RBFOX1: variants seen among roughly 807,000 people sequenced by gnomAD.
The protein encoded by RBFOX1 is RNA binding fox-1 homolog 1.
RBFOX1 carries 8 observed loss-of-function variants against 57.7 expected under a neutral mutation model. The ratio of observed to expected loss-of-function variants is 0.14; its 90% CI spans 0.08 to 0.25. The LOEUF (loss-of-function observed/expected upper bound fraction) is 0.25, where lower values mean the gene tolerates loss of function less well. Ranked by LOEUF, RBFOX1 falls within the 10% of genes least tolerant of loss-of-function variation. The pLI, the probability that RBFOX1 is intolerant of heterozygous loss-of-function variation, is 1.00. For synonymous variants in RBFOX1, 326 were observed against 222.4 expected, an observed-to-expected ratio of 1.47 and a Z score of -4.15; for missense variants, 611 against 548.5, an observed-to-expected ratio of 1.11 and a Z score of -1.14.
At chr16:6,910,196 G>A (rs9924806) in intron 3 of RBFOX1, among the ~76,000 whole-genome samples, 4,084 of 152,010 alleles carry the variant, frequency 0.027, 188 homozygotes, top group African/African-American at 0.094. Context: ...GCAGAAAATG[G>A]GAAAAGAGAA....
chr16:7,667,296 C>A (rs1016833486), intron 13 of RBFOX1, among the ~76,000 whole-genome samples: 2 of 152,168 alleles, frequency 1.3e-5, no homozygotes, highest in Non-Finnish European at 2.9e-5. Flanking sequence ...CTGCCCAGCT[C>A]AGCAGCAGAA....
intron 4 of RBFOX1, among the ~76,000 whole-genome samples, chr16:7,066,604 A>T (rs1386840624): frequency 6.6e-6 from 1 of 152,198 alleles, no homozygotes; most frequent in African/African-American, 2.4e-5. Flanking sequence ...TGACTCATAA[A>T]GCGGGGGGTG....
chr16:6,050,031 T>C (rs554260410), intron 1 of RBFOX1, among the ~76,000 whole-genome samples: 1 of 149,668 alleles, frequency 6.7e-6, no homozygotes, highest in South Asian at 2.1e-4. Context: ...TCTCAAAGGC[T>C]CACTGCAGCC....
chr16:6,183,066 A>G (rs1427696226), intron 1 of RBFOX1, among the ~76,000 whole-genome samples: 1 of 152,208 alleles, frequency 6.6e-6, no homozygotes, highest in Non-Finnish European at 1.5e-5. Context: ...GAAACTAAAT[A>G]TATAGCATGA....
At chr16:5,820,206 C>T (rs1422076276) in intron 3 of RBFOX1, among the ~76,000 whole-genome samples, 1 of 152,216 alleles carries the variant, frequency 6.6e-6, no homozygotes, top group Admixed American at 6.5e-5. Flanking sequence ...TGCCCCTGGT[C>T]CATACTCACC....
intron 4 of RBFOX1, among the ~76,000 whole-genome samples, chr16:7,251,194 T>TA (rs1384261082): frequency 6.6e-6 from 1 of 151,904 alleles, no homozygotes; most frequent in Non-Finnish European, 1.5e-5. Context: ...CAGCCCCTGG[T>TA]AAGCAAACTT....
intron 5 of RBFOX1, among the ~76,000 whole-genome samples, chr16:7,575,345 G>C (rs1373501653): frequency 6.6e-6 from 1 of 152,100 alleles, no homozygotes; most frequent in Admixed American, 6.5e-5. Context: ...ATGTTGGTCA[G>C]GCTGGTCTTG....
intron 14 of RBFOX1, among the ~76,000 whole-genome samples, chr16:7,679,719 C>G (rs1160776796): frequency 6.6e-6 from 1 of 151,942 alleles, no homozygotes; most frequent in African/African-American, 2.4e-5. Flanking sequence ...GGGCACCTTG[C>G]AACTCCCTGC....
intron 2 of RBFOX1, among the ~76,000 whole-genome samples, chr16:6,342,176 C>T (rs1334278993): frequency 6.6e-6 from 1 of 152,132 alleles, no homozygotes; most frequent in Non-Finnish European, 1.5e-5. Flanking sequence ...CAAAGGATCA[C>T]TCTGCTGCAA....
In RBFOX1 at chr16:6,683,383, G is replaced by A. The variant is rs2058956674; in HGVS notation, c.-16+28733G>A. Among the ~76,000 whole-genome samples the A allele has an allele frequency of 3.9e-5, 6 of 152,092 alleles. No homozygotes were observed. The South Asian group carries it at 1.2e-3, about 32-fold the overall frequency. ...GTGTGATTCATGGAATTGTGGTTAT[G>A]TAGGAGACTGTCTTTATTAGGAGAT... is the stretch of plus-strand genomic sequence containing the variant. On this transcript the variant is annotated intron_variant, in intron 3 of 15. Transcript: ENST00000550418.
chr16:6,574,649 C>G (rs1484604492), intron 2 of RBFOX1, among the ~76,000 whole-genome samples: 2 of 146,182 alleles, frequency 1.4e-5, no homozygotes, highest in Admixed American at 6.7e-5. Flanking sequence ...GGGATGGTCT[C>G]GATCTCCTGA....
At chr16:5,471,387 C>T (rs181064439) in intron 2 of RBFOX1, among the ~76,000 whole-genome samples, 1 of 152,212 alleles carries the variant, frequency 6.6e-6, no homozygotes, top group Admixed American at 6.5e-5. Context: ...ATTTCAGTGA[C>T]TGGGTTGAGG....
intron 3 of RBFOX1, among the ~76,000 whole-genome samples, chr16:6,761,317 G>C (rs537005187): frequency 6.6e-6 from 1 of 152,162 alleles, no homozygotes; most frequent in East Asian, 1.9e-4. Flanking sequence ...GAAGCCTTTT[G>C]TCTGAAAATG....
intron 4 of RBFOX1, among the ~76,000 whole-genome samples, chr16:5,971,714 C>A (rs916180311): frequency 6.6e-6 from 1 of 152,150 alleles, no homozygotes; most frequent in Non-Finnish European, 1.5e-5. Flanking sequence ...AAGGACCAGT[C>A]TGGATTTATT....
At chr16:7,424,539 T>A (rs1406388326) in intron 4 of RBFOX1, among the ~76,000 whole-genome samples, 1 of 152,204 alleles carries the variant, frequency 6.6e-6, no homozygotes, top group African/African-American at 2.4e-5. Context: ...GGATTACAGG[T>A]GTGAACCACC....
At position 5,378,515 on chromosome 16, in the gene RBFOX1, G is replaced by A. The variant is rs180920108; in HGVS notation, c.220-88701G>A. On this transcript the variant is annotated intron_variant, in intron 1 of 2. Coordinates refer to the RBFOX1 transcript ENST00000585867. The stretch of plus-strand genomic sequence containing the variant: ...TTAAGCGTCAGTATTAACTATTTTC[G>A]TTCTGTGAATAGCCTCAGCAGAACC... 2.4e-4 allele frequency among the ~76,000 whole-genome samples: 36 copies of A among 151,542 alleles called. 1 individual carries two copies. The highest frequency in any genetic ancestry group is 4.0e-4 in the Non-Finnish European group (27 of 68,010).
chr16:7,222,969 C>T (rs1345413269), intron 4 of RBFOX1, among the ~76,000 whole-genome samples: 2 of 152,152 alleles, frequency 1.3e-5, no homozygotes, highest in Non-Finnish European at 2.9e-5. Context: ...CCTTGTTGTG[C>T]AGCATAAACA....
chr16:6,300,838 G>A (rs2078732010), intron 1 of RBFOX1, among the ~76,000 whole-genome samples: 1 of 152,104 alleles, frequency 6.6e-6, no homozygotes, highest in African/African-American at 2.4e-5. Context: ...TTTCTGCTGG[G>A]AATCTTGTTT....
intron 11 of RBFOX1, among the ~76,000 whole-genome samples, chr16:7,645,570 A>G (rs2063587216): frequency 6.6e-6 from 1 of 152,250 alleles, no homozygotes; most frequent in South Asian, 2.1e-4. Flanking sequence ...GCAGAGATTT[A>G]TAGGACATTG....
Sources: allele counts gnomAD v4.1 joint callset (sites outside exome capture counted in the v4.1 genomes callset), GRCh38; gene constraint gnomAD v4.1.1; transcripts MANE v1.5; gene names NCBI Gene and HGNC (gene_info 2026-07-23, HGNC 2026-07-21).